The following TEP1 variants were observed in gnomAD, a reference collection of about 807,000 sequenced individuals.
The protein encoded by TEP1 is telomerase associated protein 1, also known as telomerase protein component 1.
A neutral mutation model predicts 306.3 loss-of-function variants in TEP1; 241 were observed. The observed-to-expected ratio is 0.79, with a 90% CI of 0.71 to 0.88. The LOEUF (loss-of-function observed/expected upper bound fraction) is 0.88, where lower values mean the gene tolerates loss of function less well. TEP1 is among the 40% of genes least tolerant of loss of function. The pLI, the probability that TEP1 is intolerant of heterozygous loss-of-function variation, is 0.00. For synonymous variants in TEP1, 1,289 were observed against 1,305.5 expected (o/e 0.99, Z 0.27); for missense variants, 3,051 against 3,276.1 (o/e 0.93, Z 1.68).
chr14:20,409,124 C>T (rs1372998166), intron 1 of TEP1, among the ~76,000 whole-genome samples: 1 of 152,286 alleles, frequency 6.6e-6, no homozygotes, highest in Non-Finnish European at 1.5e-5. Flanking sequence ...CTTAGGTAAC[C>T]AAGGAACTTT....
At chr14:20,412,501 C>A (rs1760893) in intron 1 of TEP1, among the ~76,000 whole-genome samples, 134,393 of 152,084 alleles carry the variant, frequency 0.88, 59,591 homozygotes, top group African/African-American at 0.94. Context: ...AAACATTGCT[C>A]ACAGTTTTAT....
chr14:20,385,989 G>A, intron 20 of TEP1, 86 bp downstream of exon 20: 1 of 1,486,922 alleles, frequency 6.7e-7, no homozygotes, highest in Non-Finnish European at 8.9e-7. Context: ...CATAGTTGCA[G>A]GGTTTCTGAC....
chr14:20,378,245 G>A lies in TEP1; in HGVS notation c.5509-9C>T. 6.2e-7 allele frequency: 1 copy of A among 1,613,570 alleles called. No homozygotes were observed. The highest frequency in any genetic ancestry group is 8.5e-7 in the Non-Finnish European group (1 of 1,179,968). On this transcript the variant is annotated splice_polypyrimidine_tract_variant and intron_variant, in intron 38 of 54. Transcript: ENST00000262715. ...CCGGGTGCCCCCAGGTCCTACACAG[G>A]GAGGTAGAAATGGAAACGTGAAGAC...
intron 1 of TEP1, among the ~76,000 whole-genome samples, chr14:20,409,606 T>G (rs772482004): frequency 2.6e-5 from 4 of 152,176 alleles, no homozygotes; most frequent in Non-Finnish European, 5.9e-5. Flanking sequence ...CTTTGCCCCC[T>G]TTGCCCACTG....
chr14:20,399,932 C>T (rs544837903), intron 9 of TEP1, among the ~76,000 whole-genome samples: 10 of 149,466 alleles, frequency 6.7e-5, no homozygotes, highest in African/African-American at 1.7e-4. Context: ...GAGGCCGAGG[C>T]GAGTGGATTA....
Position 20,383,176 on chromosome 14 carries a change from G to A in TEP1, c.4045C>T (p.Gln1349Ter). ...CCGGCCCCGGCCTAGAACCCAACCT[G>A]GTTGTTAAATGGTGACTCCTCCAGC... Reference protein sequence around the residue: ...KRLEESPFNNQMRLLLVKRES... With the variant: ...KRLEESPFNN The change falls in exon 27 of 55, where the codon CAG becomes TAG. Residue 1349 changes from glutamine (Q) to a stop codon, truncating the protein, a stop_gained and splice_region_variant. Transcript: ENST00000262715. LOFTEE classifies it high-confidence loss of function. The A allele has an allele frequency of 1.9e-6, 3 of 1,596,286 alleles. No homozygotes were observed. The highest frequency in any genetic ancestry group is 1.1e-5 in the South Asian group (1 of 88,510).
rs1594372645 is a variant in TEP1 at position 20,403,519 on chromosome 14, C to T, written c.1195-71G>A. ...CCTTGAAGAGATCCAGTCAATAGCC[C>T]TGAAGGTGCATCTCTACCAAAAAGG... is the stretch of plus-strand genomic sequence containing the variant. On this transcript the variant is annotated intron_variant, in intron 6 of 54. Transcript: ENST00000262715. The T allele has an allele frequency of 3.7e-6, 6 of 1,605,838 alleles. No homozygotes were observed. In the South Asian group the frequency reaches 5.6e-5, roughly 15 times the overall value.
At chr14:20,391,506 C>T (rs1056740475) in intron 13 of TEP1, 93 bp downstream of exon 13, 8 of 1,413,080 alleles carry the variant, frequency 5.7e-6, no homozygotes. Flanking sequence ...TGAGTGTTTG[C>T]CTGGGAAAAC....
chr14:20,396,866 G>A, intron 9 of TEP1, 136 bp from the exon 10 acceptor site: 1 of 528,850 alleles, frequency 1.9e-6, no homozygotes, highest in East Asian at 3.1e-5. Flanking sequence ...TTAGAGTCCA[G>A]CCTGGGCAAC....
intron 51 of TEP1, among the ~76,000 whole-genome samples, chr14:20,370,463 A>G (rs947947647): frequency 2.6e-5 from 4 of 152,220 alleles, no homozygotes; most frequent in Non-Finnish European, 5.9e-5. Context: ...CTCCTTTGTA[A>G]CTGGCTTCCT....
In TEP1 at chr14:20,372,755, C is replaced by A. The variant is rs768232222; in HGVS notation, c.7054G>T (p.Gly2352Cys). Residue 2352 changes from glycine to cysteine, a missense_variant, in exon 49 of 55, where the codon GGT becomes TGT. Around this residue, in one of 3 missense-constraint regions of TEP1, gnomAD observed 1,540 missense variants for 1,705.9 expected, o/e 0.90. Transcript: ENST00000262715. ...ISEWQVKLRKGSAPGNLSLHL... is the reference protein window; with the variant it reads ...ISEWQVKLRKCSAPGNLSLHL... ...CACCTCAAATTTCCGGGTGCCGAAC[C>A]CTTCCGCAGTTTCACTTGCCACTCG... The A allele has an allele frequency of 1.6e-5, 26 of 1,613,956 alleles. No homozygotes were observed. Among genetic ancestry groups the A allele is most frequent in the Non-Finnish European group, 2.1e-5 (25 of 1,180,016 alleles).
chr14:20,384,302 G>A (rs1223917414), intron 23 of TEP1, 70 bp from the exon 24 acceptor site: 3 of 1,608,386 alleles, frequency 1.9e-6, no homozygotes, highest in Non-Finnish European at 1.7e-6. Flanking sequence ...AAAACTCACA[G>A]AGCCCCCGCC....
At chr14:20,373,935 G>A in intron 44 of TEP1, 125 bp from the exon 45 acceptor site, 1 of 1,298,206 alleles carries the variant, frequency 7.7e-7, no homozygotes, top group Non-Finnish European at 1.1e-6. Context: ...GGAGAACTCA[G>A]GAACAGTGGG....
At chr14:20,409,818 A>C (rs1879489623) in intron 1 of TEP1, among the ~76,000 whole-genome samples, 1 of 152,028 alleles carries the variant, frequency 6.6e-6, no homozygotes, top group Admixed American at 6.6e-5. Context: ...CAGGAGATCG[A>C]GACCATCCTG....
chr14:20,401,383 G>A (rs563265963), intron 8 of TEP1, 74 bp downstream of exon 8: 22 of 1,588,460 alleles, frequency 1.4e-5, no homozygotes, highest in East Asian at 6.7e-5. Flanking sequence ...AGAACTACTG[G>A]GATGGGGGCC....
At chr14:20,375,981 G>A in intron 42 of TEP1, 113 bp from the exon 43 acceptor site, 2 of 1,485,550 alleles carry the variant, frequency 1.3e-6, no homozygotes, top group Non-Finnish European at 1.9e-6. Context: ...AGCACAGGCA[G>A]ACAGATCTAT....
intron 12 of TEP1, among the ~76,000 whole-genome samples, chr14:20,394,685 G>T (rs1215554481): frequency 1.3e-5 from 2 of 151,966 alleles, no homozygotes; most frequent in African/African-American, 4.8e-5. Context: ...TCACCATGTT[G>T]GCCAGGCTAG....
intron 54 of TEP1, 24 bp downstream of exon 54, chr14:20,368,764 GCACACACACA>G (rs112024184): frequency 3.0e-5 from 41 of 1,344,346 alleles, no homozygotes; most frequent in Non-Finnish European, 3.9e-5. Flanking sequence ...GCAGGCGCAC[GCACACACACA>G]CACACACACA....
intron 33 of TEP1, 98 bp from the exon 34 acceptor site, chr14:20,380,573 C>T: frequency 3.5e-6 from 5 of 1,413,694 alleles, no homozygotes; most frequent in Non-Finnish European, 2.8e-6. Context: ...TAGTAAGTCT[C>T]AAAGTGTGGC....
Sources: gnomAD v4.1 joint callset for allele counts (sites outside exome capture counted in the v4.1 genomes callset) on GRCh38, gnomAD v4.1.1 for gene constraint, gnomAD v4.1.1 regional missense constraint, MANE v1.5 for transcripts, NCBI Gene and HGNC (gene_info 2026-07-23, HGNC 2026-07-21) for gene names.